SAMMSON: variants seen among roughly 807,000 people sequenced by gnomAD.
The protein encoded by SAMMSON is long intergenic non-protein coding RNA 1212.
At chr3:70,252,274 A>G (rs1468818292) in intron 6 of SAMMSON, among the ~76,000 whole-genome samples, 4 of 152,188 alleles carry the variant, frequency 2.6e-5, no homozygotes, top group East Asian at 3.9e-4. Context: ...GGCTTAAAGT[A>G]TATGTATCGT....
chr3:70,188,805 G>A (rs1701110100), intron 4 of SAMMSON, among the ~76,000 whole-genome samples: 1 of 152,200 alleles, frequency 6.6e-6, no homozygotes, highest in Non-Finnish European at 1.5e-5. Context: ...GCTCAGAGAG[G>A]TTTAGTTACT....
chr3:70,350,156 G>A (rs967737285), intron 7 of SAMMSON, among the ~76,000 whole-genome samples: 4 of 152,148 alleles, frequency 2.6e-5, no homozygotes, highest in Non-Finnish European at 5.9e-5. Flanking sequence ...AACAAATTCT[G>A]TGGGTGACTA....
chr3:70,019,705 T>C (rs1211431342), intron 3 of SAMMSON, among the ~76,000 whole-genome samples: 1 of 152,220 alleles, frequency 6.6e-6, no homozygotes, highest in Non-Finnish European at 1.5e-5. Context: ...TGGCATGTTT[T>C]TGCAGTGTCT....
chr3:70,270,532 T>C (rs971345869), intron 6 of SAMMSON, among the ~76,000 whole-genome samples: 3 of 152,210 alleles, frequency 2.0e-5, no homozygotes, highest in Admixed American at 1.3e-4. Context: ...CTCAAGTATG[T>C]ATATACATGG....
At chr3:70,017,300 C>A (rs937608256) in intron 3 of SAMMSON, among the ~76,000 whole-genome samples, 8 of 152,236 alleles carry the variant, frequency 5.3e-5, no homozygotes, top group East Asian at 1.9e-4. Flanking sequence ...AGAGGTCCTT[C>A]ACGTCCCTTG....
At chr3:70,400,313 G>GGT (rs1176997101) in intron 2 of SAMMSON, among the ~76,000 whole-genome samples, 2 of 152,154 alleles carry the variant, frequency 1.3e-5, no homozygotes, top group Non-Finnish European at 1.5e-5. Flanking sequence ...GGGTCATGCA[G>GGT]GTGGATCCCT....
intron 4 of SAMMSON, chr3:70,075,084 C>A (rs1369548720): frequency 6.6e-6 from 1 of 152,026 alleles, no homozygotes; most frequent in Non-Finnish European, 1.5e-5. Flanking sequence ...CCCTATTCAC[C>A]TTTCCAGAAA....
chr3:70,304,356 C>A (rs1459040518), intron 7 of SAMMSON, among the ~76,000 whole-genome samples: 1 of 152,218 alleles, frequency 6.6e-6, no homozygotes, highest in Non-Finnish European at 1.5e-5. Context: ...CTTCTCTTGT[C>A]CACATTTCTC....
chr3:70,174,531 T>C (rs1700995306), intron 4 of SAMMSON, among the ~76,000 whole-genome samples: 1 of 151,964 alleles, frequency 6.6e-6, no homozygotes, highest in Non-Finnish European at 1.5e-5. Context: ...AGATATTTAG[T>C]AGCCCTAGAT....
chr3:70,366,492 G>GTTTTTTTTTTTTTTTT, intron 9 of SAMMSON, among the ~76,000 whole-genome samples: 1 of 100,770 alleles, frequency 9.9e-6, no homozygotes. Flanking sequence ...GTGTTTTTAT[G>GTTTTTTTTTTTTTTTT]TTTTTTTTTT....
intron 4 of SAMMSON, among the ~76,000 whole-genome samples, chr3:70,169,904 C>G (rs1261443762): frequency 6.6e-6 from 1 of 151,788 alleles, no homozygotes; most frequent in Non-Finnish European, 1.5e-5. Context: ...CAGAAGGTAT[C>G]AAACTCATGC....
chr3:70,016,515 A>C (rs2066986511), intron 3 of SAMMSON, among the ~76,000 whole-genome samples: 1 of 151,628 alleles, frequency 6.6e-6, no homozygotes, highest in African/African-American at 2.4e-5. Flanking sequence ...GATTGCAAAA[A>C]TTTTCTCCCA....
intron 7 of SAMMSON, among the ~76,000 whole-genome samples, chr3:70,341,402 T>C (rs986522605): frequency 3.3e-5 from 5 of 152,144 alleles, no homozygotes; most frequent in Non-Finnish European, 5.9e-5. Flanking sequence ...GATTTTTTCA[T>C]GGTGAAAGAA....
At position 70,078,809 on chromosome 3, in the gene SAMMSON, A is replaced by C. The variant is rs371715063; in HGVS notation, n.507+7244A>C. Among the ~76,000 whole-genome samples, 97 of 152,260 alleles carry C rather than the reference A, an allele frequency of 6.4e-4. 2 individuals carry two copies. The South Asian group carries it at 0.019, about 31-fold the overall frequency. ...TCAGGGTCATGGAAGTGTCTCTTTAAATTTTATGTCCTGGGCAACTCTCTT... is the reference window on the plus strand; with the variant it reads ...TCAGGGTCATGGAAGTGTCTCTTTACATTTTATGTCCTGGGCAACTCTCTT... On this transcript the variant is annotated intron_variant and non_coding_transcript_variant, in intron 4 of 9. Transcript: ENST00000642114.
At chr3:70,419,728 T>C (rs1301421355) in intron 2 of SAMMSON, among the ~76,000 whole-genome samples, 4 of 152,152 alleles carry the variant, frequency 2.6e-5, no homozygotes, top group Admixed American at 2.6e-4. Flanking sequence ...AAGCTCCGCC[T>C]CCCGGGTTCA....
chr3:70,393,793 G>A (rs2106758660), downstream of SAMMSON, among the ~76,000 whole-genome samples: 1 of 152,224 alleles, frequency 6.6e-6, no homozygotes, highest in South Asian at 2.1e-4. Flanking sequence ...TAAGGCAGAG[G>A]TAGGGGCGGA....
rs78160410 is a variant in SAMMSON, at chr3:70,295,781, T to G, written n.739+4538T>G. Among the ~76,000 whole-genome samples the G allele has an allele frequency of 1.9e-3, 294 of 152,342 alleles. 10 individuals carry two copies. In the East Asian group the frequency reaches 0.05, roughly 26 times the overall value. Reference sequence around the variant, plus strand: ...TTGATCTGTGATATCTTTTGATTCATGTTGAATGTGTTAGGCAAAGATGTT... The same window carrying G: ...TTGATCTGTGATATCTTTTGATTCAGGTTGAATGTGTTAGGCAAAGATGTT... On this transcript the variant is annotated intron_variant and non_coding_transcript_variant, in intron 7 of 9. Coordinates refer to ENST00000642114, the Ensembl canonical transcript of SAMMSON.
At chr3:70,326,946 C>A (rs1206924962) in intron 7 of SAMMSON, among the ~76,000 whole-genome samples, 3 of 152,146 alleles carry the variant, frequency 2.0e-5, no homozygotes, top group Non-Finnish European at 2.9e-5. Context: ...GCAGTCTCTG[C>A]CTTCTGGGTT....
At chr3:70,414,717 T>C (rs1023512094) in intron 2 of SAMMSON, among the ~76,000 whole-genome samples, 5 of 152,212 alleles carry the variant, frequency 3.3e-5, no homozygotes, top group Non-Finnish European at 7.3e-5. Flanking sequence ...TTCTCATTTG[T>C]AAAATGAACC....
Sources: gnomAD v4.1 joint callset for allele counts (sites outside exome capture counted in the v4.1 genomes callset) on GRCh38, gnomAD v4.1.1 for gene constraint, MANE v1.5 for transcripts, NCBI Gene and HGNC (gene_info 2026-07-23, HGNC 2026-07-21) for gene names.